ABAT: variants seen among roughly 807,000 people sequenced by gnomAD.
ABAT encodes 4-aminobutyrate aminotransferase, also known as 4-aminobutyrate aminotransferase, mitochondrial.
ABAT carries 45 observed loss-of-function variants against 64.6 expected under a neutral mutation model. That is an observed-to-expected ratio of 0.70 (90% CI 0.55 to 0.89). The LOEUF (loss-of-function observed/expected upper bound fraction) is 0.89, where lower values mean the gene tolerates loss of function less well. Among genes scored for constraint, ABAT ranks in the 40% least tolerant of loss-of-function variants. ABAT has a pLI of 0.00. For missense variants in ABAT, 633 were observed against 658.4 expected, an observed-to-expected ratio of 0.96 and a Z score of 0.42; for synonymous variants, 297 against 250.5, an observed-to-expected ratio of 1.19 and a Z score of -1.75.
intron 14 of ABAT, among the ~76,000 whole-genome samples, chr16:8,778,796 CA>C (rs1276051415): frequency 1.3e-5 from 2 of 150,742 alleles, no homozygotes; most frequent in Non-Finnish European, 3.0e-5. Flanking sequence ...AAACAAAAAA[CA>C]AAAAACAGTC....
In ABAT at chr16:8,750,448, C is replaced by T; in HGVS notation, c.225C>T (p.Cys75=). Residue 75 remains cysteine (C), a synonymous_variant, in exon 5 of 16, where the codon TGC becomes TGT. Transcript: ENST00000268251. The stretch of plus-strand genomic sequence containing the variant: ...ATGCAGAGGCTGTGCATTTTTTCTG[C>T]AATTACGAAGAGAGCCGAGGCAATT... ...IQNAEAVHFF[C]NYEESRGNYL... The T allele has an allele frequency of 6.2e-7, 1 of 1,614,124 alleles. No individual in the cohort carries two copies. The highest frequency in any genetic ancestry group is 2.2e-5 in the East Asian group (1 of 44,884).
At chr16:8,713,755 C>A (rs1030963667) in intron 1 of ABAT, 1 of 417,742 alleles carries the variant, frequency 2.4e-6, no homozygotes, top group Admixed American at 2.5e-5. Context: ...CCAACGGCAC[C>A]TCTTAGGATG....
chr16:8,762,199 C>T (rs2059817656), intron 6 of ABAT, among the ~76,000 whole-genome samples: 2 of 152,236 alleles, frequency 1.3e-5, no homozygotes, highest in South Asian at 4.1e-4. Context: ...AGGCCCATCT[C>T]ATTACATTGC....
At chr16:8,721,890 T>C (rs538062784) in intron 1 of ABAT, among the ~76,000 whole-genome samples, 45 of 152,340 alleles carry the variant, frequency 3.0e-4, no homozygotes, top group African/African-American at 9.1e-4. Flanking sequence ...TGGGTGGGAC[T>C]GAAGAGCTCA....
chr16:8,773,746 G>A (rs977171162), intron 12 of ABAT, among the ~76,000 whole-genome samples: 6 of 152,058 alleles, frequency 3.9e-5, no homozygotes, highest in Non-Finnish European at 5.9e-5. Context: ...GGCGTCATTC[G>A]ACTCTATTTC....
At chr16:8,755,837 C>T (rs950521319) in intron 5 of ABAT, among the ~76,000 whole-genome samples, 1 of 152,194 alleles carries the variant, frequency 6.6e-6, no homozygotes, top group Non-Finnish European at 1.5e-5. Flanking sequence ...ATCACGAGGT[C>T]AGCAGATTGA....
intron 1 of ABAT, among the ~76,000 whole-genome samples, chr16:8,687,806 T>G (rs1247809080): frequency 6.6e-6 from 1 of 152,216 alleles, no homozygotes; most frequent in Non-Finnish European, 1.5e-5. Context: ...GGCCTCAGTT[T>G]CCTCACCTGT....
At chr16:8,773,300 C>T (rs371256649) in intron 12 of ABAT, among the ~76,000 whole-genome samples, 80 of 152,096 alleles carry the variant, frequency 5.3e-4, no homozygotes, top group Non-Finnish European at 9.0e-4. Context: ...TACAGGCACA[C>T]GTCACCATAC....
chr16:8,772,631 T>C, intron 11 of ABAT, 149 bp from the exon 12 acceptor site: 1 of 1,112,640 alleles, frequency 9.0e-7, no homozygotes, highest in South Asian at 1.3e-5. Flanking sequence ...CACACATAGC[T>C]TCTAACAGAG....
chr16:8,766,645 A>G (rs2059954662), intron 9 of ABAT, among the ~76,000 whole-genome samples: 1 of 142,262 alleles, frequency 7.0e-6, no homozygotes, highest in South Asian at 2.2e-4. Context: ...ACAGAGTGAG[A>G]CTCCTCTCAA....
At chr16:8,779,422 C>A in intron 14 of ABAT, 57 bp from the exon 15 acceptor site, 1 of 1,481,412 alleles carries the variant, frequency 6.8e-7, no homozygotes, top group Non-Finnish European at 9.4e-7. Flanking sequence ...AGCCATTAAG[C>A]CCAGCTGGTA....
chr16:8,689,849 C>G (rs888194219), intron 1 of ABAT, among the ~76,000 whole-genome samples: 1 of 152,100 alleles, frequency 6.6e-6, no homozygotes, highest in African/African-American at 2.4e-5. Context: ...GTGGCCAAAC[C>G]CAGAGTCAGG....
chr16:8,732,933 C>T (rs1399843639), intron 1 of ABAT, among the ~76,000 whole-genome samples: 2 of 149,010 alleles, frequency 1.3e-5, no homozygotes, highest in Non-Finnish European at 3.0e-5. Flanking sequence ...GGGGGCTGAC[C>T]CCCCTACCTC....
intron 1 of ABAT, among the ~76,000 whole-genome samples, chr16:8,732,664 C>G (rs974259699): frequency 2.0e-5 from 3 of 151,466 alleles, no homozygotes; most frequent in Non-Finnish European, 2.9e-5. Flanking sequence ...TCAATCTTTT[C>G]CCCACCTTTC....
rs1357732019 is a variant in ABAT, at chr16:8,783,528, C to T, written c.*2098C>T. The T allele has an allele frequency of 2.0e-5, 3 of 152,214 alleles. No individual in the cohort carries two copies. Among genetic ancestry groups the T allele is most frequent in the Non-Finnish European group, 4.4e-5 (3 of 68,066 alleles). The allele number at this position is 152,214 out of a possible 1,614,324, so 9.4% of individuals were successfully genotyped here. Reference sequence around the variant, plus strand: ...AAGGAAGGGTGTTGCAGAGAGGGAACAGCATATGCAAAGGCGTATCAGTTC... The same window carrying T: ...AAGGAAGGGTGTTGCAGAGAGGGAATAGCATATGCAAAGGCGTATCAGTTC... On this transcript the variant is annotated 3_prime_UTR_variant, in exon 16 of 16. Transcript: ENST00000268251.
In ABAT at chr16:8,781,557, G is replaced by GA. The variant is rs1388712404; in HGVS notation, c.*128dup. On this transcript the variant is annotated 3_prime_UTR_variant, in exon 16 of 16. Transcript: ENST00000268251. This position sits in a 1 kb window ranked among gnomAD's most constrained non-coding sequence, Gnocchi z 4.5. ...TGCACAGTGAAGGGTGATTTGTGGG[G>GA]AGGGAGCATTTTTGGTGGTCTTGGG... The GA allele has an allele frequency of 3.0e-5, 38 of 1,247,246 alleles. No individual in the cohort carries two copies. The East Asian group carries it at 1.0e-3, about 33-fold the overall frequency. The allele number at this position is 1,247,246 out of a possible 1,614,324, so 77.3% of individuals were successfully genotyped here. A position where few individuals can be genotyped will look rare whatever the true frequency, so the allele number is the denominator to read the frequency against.
chr16:8,738,803 C>G (rs183161465), intron 2 of ABAT, among the ~76,000 whole-genome samples: 1 of 151,706 alleles, frequency 6.6e-6, no homozygotes, highest in African/African-American at 2.4e-5. Flanking sequence ...TGCCACCATG[C>G]CCGGCTAATT....
At chr16:8,683,487 G>A (rs2057380666) in intron 1 of ABAT, 1 of 151,666 alleles carries the variant, frequency 6.6e-6, no homozygotes. Flanking sequence ...CTGATCGGTA[G>A]TGGAATTATG....
At position 8,781,581 on chromosome 16, in the gene ABAT, G is replaced by C. The variant is rs2060441147; in HGVS notation, c.*151G>C. On this transcript the variant is annotated 3_prime_UTR_variant, in exon 16 of 16. Coordinates refer to ENST00000268251, the MANE Select transcript of ABAT (RefSeq NM_020686.6). The surrounding 1 kb of genome is among the most constrained non-coding windows in gnomAD (Gnocchi z 4.5). ...GGAGGGAGCATTTTTGGTGGTCTTGGGGGAGGGGAGGGGAGGGAAGGGCTG... is the reference window on the plus strand; with the variant it reads ...GGAGGGAGCATTTTTGGTGGTCTTGCGGGAGGGGAGGGGAGGGAAGGGCTG... 3 of 912,766 alleles carry C rather than the reference G, an allele frequency of 3.3e-6. No individual in the cohort carries two copies. The highest frequency in any genetic ancestry group is 1.7e-5 in the African/African-American group (1 of 60,202). 56.5% of individuals were successfully genotyped at this position (912,766 alleles called of 1,614,324 possible).
Sources: allele counts gnomAD v4.1 joint callset (sites outside exome capture counted in the v4.1 genomes callset), GRCh38; gene constraint gnomAD v4.1.1; non-coding constraint Gnocchi (gnomAD v3.1); transcripts MANE v1.5; gene names NCBI Gene and HGNC (gene_info 2026-07-23, HGNC 2026-07-21).